Variants in ADAMTSL3 observed in about 807,000 individuals in gnomAD.
ADAMTSL3 encodes the protein ADAMTS-like protein 3.
ADAMTSL3 carries 128 observed loss-of-function variants against 201.7 expected under a neutral mutation model. That is an observed-to-expected ratio of 0.63 (90% CI 0.55 to 0.73). ADAMTSL3 has a LOEUF of 0.73. Among genes scored for constraint, ADAMTSL3 ranks in the 30% least tolerant of loss-of-function variants. The pLI, the probability that ADAMTSL3 is intolerant of heterozygous loss-of-function variation, is 0.00. For synonymous variants in ADAMTSL3, 738 were observed against 748.4 expected (o/e 0.99, Z 0.23); for missense variants, 1,990 against 2,119.6 (o/e 0.94, Z 1.20).
At position 83,942,921 on chromosome 15, in the gene ADAMTSL3, G is replaced by T; in HGVS notation, c.2329G>T (p.Gly777Trp). 1 of 1,603,394 alleles carries T rather than the reference G, an allele frequency of 6.2e-7. No individual in the cohort carries two copies. Among genetic ancestry groups the T allele is most frequent in the Non-Finnish European group, 8.5e-7 (1 of 1,174,606 alleles). ...TTCTTAGTGTTCCAGGACTTGTGGCGGGGGAACTCAGAACAGAAGAGTCAC... is the reference window on the plus strand; with the variant it reads ...TTCTTAGTGTTCCAGGACTTGTGGCTGGGGAACTCAGAACAGAAGAGTCAC... Reference protein sequence around the residue: ...EWQQCSRTCGGGTQNRRVTCR... With the variant: ...EWQQCSRTCGWGTQNRRVTCR... Residue 777 changes from glycine (G) to tryptophan (W), a missense_variant, in exon 19 of 30, where the codon GGG becomes TGG. Gly to Trp is a radical substitution (Grantham distance 184). Coordinates refer to ENST00000286744, the MANE Select transcript of ADAMTSL3 (RefSeq NM_207517.3).
At chr15:83,870,766 ATTGT>A in intron 8 of ADAMTSL3, 32 bp from the exon 9 acceptor site, 1 of 1,499,464 alleles carries the variant, frequency 6.7e-7, no homozygotes, top group Non-Finnish European at 9.0e-7. Flanking sequence ...TACCTTTAAG[ATTGT>A]TTCTTATTTG....
At chr15:83,742,357 A>C (rs2062470292) in intron 3 of ADAMTSL3, among the ~76,000 whole-genome samples, 1 of 152,162 alleles carries the variant, frequency 6.6e-6, no homozygotes, top group Admixed American at 6.5e-5. Context: ...TAATTAGAGA[A>C]AACTTCCTAT....
chr15:83,998,702 C>T (rs968687873), intron 23 of ADAMTSL3, among the ~76,000 whole-genome samples: 15 of 152,188 alleles, frequency 9.9e-5, no homozygotes, highest in Admixed American at 7.2e-4. Context: ...GTCTGGATGC[C>T]AGCCACAGCC....
At chr15:83,994,294 T>C (rs900519255) in intron 23 of ADAMTSL3, among the ~76,000 whole-genome samples, 2 of 152,318 alleles carry the variant, frequency 1.3e-5, no homozygotes, top group African/African-American at 4.8e-5. Context: ...CTGGTGTACA[T>C]CTCCTTTAGG....
chr15:83,671,045 GT>G (rs72107056), intron 2 of ADAMTSL3, among the ~76,000 whole-genome samples: 8 of 151,526 alleles, frequency 5.3e-5, no homozygotes, highest in African/African-American at 1.7e-4. Flanking sequence ...ATGATATATT[GT>G]TTTTTTTAAT....
At chr15:83,792,791 CAA>C (rs71156100) in intron 4 of ADAMTSL3, among the ~76,000 whole-genome samples, 67 of 122,426 alleles carry the variant, frequency 5.5e-4, no homozygotes, top group Admixed American at 1.8e-3. Flanking sequence ...GACTCTGTCT[CAA>C]AAAAAAAAAA....
At chr15:83,778,855 G>A (rs535602316) in intron 4 of ADAMTSL3, among the ~76,000 whole-genome samples, 2 of 152,312 alleles carry the variant, frequency 1.3e-5, no homozygotes, top group South Asian at 4.1e-4. Flanking sequence ...CCATTGGTAT[G>A]CTTGTCTTCA....
At chr15:83,908,294 A>C (rs2065876443) in intron 15 of ADAMTSL3, among the ~76,000 whole-genome samples, 1 of 152,174 alleles carries the variant, frequency 6.6e-6, no homozygotes, top group South Asian at 2.1e-4. Flanking sequence ...AAGTGGGCAT[A>C]ATAATATTTC....
At chr15:83,714,822 CCT>C (rs1174306612) in intron 3 of ADAMTSL3, among the ~76,000 whole-genome samples, 24 of 83,522 alleles carry the variant, frequency 2.9e-4, no homozygotes, top group Admixed American at 8.9e-4. Context: ...TTCTTTCTTT[CCT>C]TCTCTCTCTC....
chr15:83,825,603 T>TGA (rs2064005754), intron 6 of ADAMTSL3, among the ~76,000 whole-genome samples: 2 of 152,076 alleles, frequency 1.3e-5, no homozygotes, highest in Non-Finnish European at 2.9e-5. Flanking sequence ...TATGATAGGG[T>TGA]GAGACCCTGT....
At chr15:83,776,748 T>C (rs1311095055) in intron 4 of ADAMTSL3, among the ~76,000 whole-genome samples, 4 of 151,870 alleles carry the variant, frequency 2.6e-5, no homozygotes, top group Admixed American at 2.6e-4. Flanking sequence ...AGAAAATCCA[T>C]AAAATGGTCA....
chr15:84,014,503 A>G (rs1277249459), intron 23 of ADAMTSL3, 39 bp from the exon 24 acceptor site: 2 of 1,583,856 alleles, frequency 1.3e-6, no homozygotes, highest in Admixed American at 3.5e-5. Context: ...CCCTGTTCTT[A>G]AAGGAATTGC....
intron 2 of ADAMTSL3, among the ~76,000 whole-genome samples, chr15:83,674,167 C>G (rs2061362623): frequency 6.6e-6 from 1 of 151,108 alleles, no homozygotes; most frequent in Non-Finnish European, 1.5e-5. Context: ...TTTGCCTACC[C>G]TAAGTCCTGA....
chr15:83,707,097 T>G (rs1399176469), intron 3 of ADAMTSL3, among the ~76,000 whole-genome samples: 1 of 152,164 alleles, frequency 6.6e-6, no homozygotes, highest in East Asian at 1.9e-4. Flanking sequence ...TAAGATCAAT[T>G]AAGAACAAAG....
intron 17 of ADAMTSL3, among the ~76,000 whole-genome samples, chr15:83,927,582 T>G (rs17158525): frequency 0.017 from 2,581 of 152,322 alleles, 87 homozygotes; most frequent in African/African-American, 0.056. Context: ...TGGCTTCACA[T>G]TCTTTCAGAA....
chr15:83,834,082 A>G (rs1180880164), intron 6 of ADAMTSL3, among the ~76,000 whole-genome samples: 1 of 152,202 alleles, frequency 6.6e-6, no homozygotes, highest in East Asian at 1.9e-4. Context: ...AAACAATTAA[A>G]GGTTACTTCT....
At chr15:83,973,936 G>T (rs1329627708) in intron 20 of ADAMTSL3, among the ~76,000 whole-genome samples, 3 of 152,154 alleles carry the variant, frequency 2.0e-5, no homozygotes, top group Admixed American at 6.5e-5. Context: ...CTTTGGAGGG[G>T]TAATTTTTCT....
At chr15:83,869,541 A>C (rs2065042074) in intron 8 of ADAMTSL3, among the ~76,000 whole-genome samples, 1 of 152,280 alleles carries the variant, frequency 6.6e-6, no homozygotes, top group South Asian at 2.1e-4. Context: ...ATAATCAGGG[A>C]TGTCTCCTAA....
intron 19 of ADAMTSL3, among the ~76,000 whole-genome samples, chr15:83,954,252 A>AT (rs1014923603): frequency 6.6e-6 from 1 of 151,948 alleles, no homozygotes; most frequent in African/African-American, 2.4e-5. Context: ...CTCTAACTGT[A>AT]TTTTAAAATA....
Sources: allele counts gnomAD v4.1 joint callset (sites outside exome capture counted in the v4.1 genomes callset), GRCh38; gene constraint gnomAD v4.1.1; transcripts MANE v1.5; gene names NCBI Gene and HGNC (gene_info 2026-07-23, HGNC 2026-07-21).